The following IL34 variants were observed in gnomAD, a reference collection of about 807,000 sequenced individuals.
IL34 encodes the protein interleukin-34.
In IL34, 17 loss-of-function variants were observed where a neutral mutation model predicts 25.3. That is an observed-to-expected ratio of 0.67 (90% confidence interval 0.46 to 1.01). The LOEUF (loss-of-function observed/expected upper bound fraction) is 1.01, where lower values mean the gene tolerates loss of function less well. Among genes scored for constraint, IL34 ranks in the 50% least tolerant of loss-of-function variants. The pLI is 0.00. For synonymous variants in IL34, 174 were observed against 140.9 expected, an observed-to-expected ratio of 1.23 and a Z score of -1.66; for missense variants, 368 against 312.9, an observed-to-expected ratio of 1.18 and a Z score of -1.33.
chr16:70,656,967 C>A lies in IL34; in HGVS notation c.248C>A (p.Ala83Asp). 6.2e-7 allele frequency: 1 copy of A among 1,607,992 alleles called. No individual in the cohort carries two copies. The highest frequency in any genetic ancestry group is 8.5e-7 in the Non-Finnish European group (1 of 1,177,336). Residue 83 changes from alanine to aspartate, a missense_variant, in exon 4 of 6, where the codon GCC becomes GAC. By Grantham distance (126) the Ala-to-Asp change is moderately radical. Transcript: ENST00000288098. Reference protein sequence around the residue: ...RIANVTRLQRAQVSERELRYL... With the variant: ...RIANVTRLQRDQVSERELRYL... ...ACTTCCCTGTTTCCGCAGCAGAGGG[C>A]CCAGGTGAGCGAGCGGGAGCTGCGG...
At chr16:70,649,834 T>G (rs1462372512) in intron 1 of IL34, among the ~76,000 whole-genome samples, 2 of 152,234 alleles carry the variant, frequency 1.3e-5, no homozygotes, top group African/African-American at 2.4e-5. Flanking sequence ...AGTCTCACTC[T>G]GTCACCCAGG....
chr16:70,634,289 T>G (rs1249962488), intron 1 of IL34, among the ~76,000 whole-genome samples: 1 of 149,634 alleles, frequency 6.7e-6, no homozygotes, highest in Non-Finnish European at 1.5e-5. Context: ...AGGTAAGATA[T>G]GAACTGGGGG....
intron 1 of IL34, among the ~76,000 whole-genome samples, chr16:70,586,400 C>T (rs1459821527): frequency 1.3e-5 from 2 of 152,096 alleles, no homozygotes; most frequent in African/African-American, 4.8e-5. Flanking sequence ...AAGACTTCGT[C>T]TATACAAAAG....
intron 4 of IL34, chr16:70,657,480 A>T: frequency 4.4e-6 from 1 of 228,592 alleles, no homozygotes; most frequent in Non-Finnish European, 8.6e-6. Context: ...GATGGAGCAC[A>T]GGGAATGTTT....
intron 1 of IL34, among the ~76,000 whole-genome samples, chr16:70,632,502 G>A (rs2051542708): frequency 6.6e-6 from 1 of 152,300 alleles, no homozygotes; most frequent in Admixed American, 6.5e-5. Context: ...GAATGAATGG[G>A]AAGAGGAGCT....
At chr16:70,625,542 C>T (rs2051373665) in intron 1 of IL34, among the ~76,000 whole-genome samples, 1 of 152,078 alleles carries the variant, frequency 6.6e-6, no homozygotes, top group Non-Finnish European at 1.5e-5. Flanking sequence ...TGCCCCTCCC[C>T]CAGAAAAGCG....
intron 1 of IL34, among the ~76,000 whole-genome samples, chr16:70,652,646 C>T (rs980741207): frequency 2.0e-5 from 3 of 152,160 alleles, no homozygotes; most frequent in African/African-American, 7.2e-5. Flanking sequence ...AGGCCATTTC[C>T]AGATTTTCAC....
At chr16:70,611,639 A>G (rs564806660) in intron 1 of IL34, among the ~76,000 whole-genome samples, 69 of 152,028 alleles carry the variant, frequency 4.5e-4, no homozygotes, top group Middle Eastern at 3.4e-3. Flanking sequence ...AAAATTTAAA[A>G]AAGTTACCAG....
chr16:70,606,686 T>C (rs1200230795), intron 1 of IL34, among the ~76,000 whole-genome samples: 1 of 152,060 alleles, frequency 6.6e-6, no homozygotes, highest in Non-Finnish European at 1.5e-5. Flanking sequence ...CTCCTGGGCT[T>C]AATTGATCCT....
Position 70,646,817 on chromosome 16 carries a change from T to G in IL34, c.-131T>G. 1 of 878,846 alleles carries G rather than the reference T, an allele frequency of 1.1e-6. No homozygotes were observed. 54.4% of individuals were successfully genotyped at this position (878,846 alleles called of 1,614,324 possible). On this transcript the variant is annotated 5_prime_UTR_variant, in exon 1 of 6. Coordinates refer to ENST00000288098, the MANE Select transcript of IL34 (RefSeq NM_001393494.1). ...CTCACTCCCGCAGCCCAGCCACTCCTCCAGGGCCAGCCCTTCCCTGACTGA... is the reference window on the plus strand; with the variant it reads ...CTCACTCCCGCAGCCCAGCCACTCCGCCAGGGCCAGCCCTTCCCTGACTGA...
chr16:70,598,028 TA>T (rs2050849137), intron 1 of IL34, among the ~76,000 whole-genome samples: 1 of 152,182 alleles, frequency 6.6e-6, no homozygotes, highest in African/African-American at 2.4e-5. Flanking sequence ...ATATTTTTAG[TA>T]GAGACGGGGT....
At chr16:70,656,546 G>T (rs1379601789) in intron 2 of IL34, 56 bp from the exon 3 acceptor site, 3 of 875,182 alleles carry the variant, frequency 3.4e-6, no homozygotes, top group African/African-American at 3.3e-5. Context: ...GGAGGTTGGG[G>T]AGCCTGCTGG....
intron 1 of IL34, among the ~76,000 whole-genome samples, chr16:70,623,830 G>A (rs567606922): frequency 1.1e-4 from 17 of 151,060 alleles, no homozygotes; most frequent in South Asian, 4.2e-4. Flanking sequence ...CATCTAAGTT[G>A]GCACCAGAGT....
At chr16:70,589,246 A>AT (rs987829340) in intron 1 of IL34, among the ~76,000 whole-genome samples, 50 of 151,492 alleles carry the variant, frequency 3.3e-4, no homozygotes, top group Non-Finnish European at 4.1e-4. Context: ...AAAATGGTTA[A>AT]TTTTTTTTTA....
At chr16:70,644,206 C>A (rs1462982272), upstream of IL34, among the ~76,000 whole-genome samples, 1 of 152,148 alleles carries the variant, frequency 6.6e-6, no homozygotes. Flanking sequence ...AAGTCCTGAC[C>A]TTTTATGGAC....
intron 1 of IL34, among the ~76,000 whole-genome samples, chr16:70,647,462 A>G (rs2051968572): frequency 6.6e-6 from 1 of 152,226 alleles, no homozygotes; most frequent in African/African-American, 2.4e-5. Context: ...TAAAAAGCAG[A>G]AAGATAACAC....
At chr16:70,639,757 C>T (rs913678918) in intron 1 of IL34, among the ~76,000 whole-genome samples, 1 of 152,118 alleles carries the variant, frequency 6.6e-6, no homozygotes, top group African/African-American at 2.4e-5. Flanking sequence ...AGTTTGAGAG[C>T]AGCTTGAGCA....
Position 70,659,991 on chromosome 16 carries a change from T to C in IL34, c.539-6T>C. On this transcript the variant is annotated splice_region_variant and splice_polypyrimidine_tract_variant and intron_variant, in intron 5 of 5. Coordinates refer to ENST00000288098, the MANE Select transcript of IL34 (RefSeq NM_001393494.1). Reference sequence around the variant, plus strand: ...AGTCTTTTTTTTTTTCCCCTATCTCTTGCAGGTAAACAAAGCTCCGTCCTA... The same window carrying C: ...AGTCTTTTTTTTTTTCCCCTATCTCCTGCAGGTAAACAAAGCTCCGTCCTA... 4 of 1,572,762 alleles carry C rather than the reference T, an allele frequency of 2.5e-6. No individual in the cohort carries two copies. The highest frequency in any genetic ancestry group is 3.4e-6 in the Non-Finnish European group (4 of 1,163,460).
chr16:70,596,916 C>T (rs1280027825), intron 1 of IL34, among the ~76,000 whole-genome samples: 2 of 152,016 alleles, frequency 1.3e-5, no homozygotes, highest in African/African-American at 4.8e-5. Context: ...GAGGATGGGA[C>T]TCTGAAGCCA....
Sources: gnomAD v4.1 joint callset for allele counts (sites outside exome capture counted in the v4.1 genomes callset) on GRCh38, gnomAD v4.1.1 for gene constraint, MANE v1.5 for transcripts, NCBI Gene and HGNC (gene_info 2026-07-23, HGNC 2026-07-21) for gene names.